The following PCDHGB7 variants were observed in gnomAD, a reference collection of about 807,000 sequenced individuals.
PCDHGB7 encodes the protein protocadherin gamma subfamily B, 7.
A neutral mutation model predicts 61.4 loss-of-function variants in PCDHGB7; 37 were observed. The observed-to-expected ratio is 0.60, with a 90% CI of 0.46 to 0.79. The LOEUF (loss-of-function observed/expected upper bound fraction) is 0.79, where lower values mean the gene tolerates loss of function less well. Ranked by LOEUF, PCDHGB7 falls within the 30% of genes least tolerant of loss-of-function variation. The probability of loss-of-function intolerance (pLI) is 0.00; values close to 1 mark genes in which losing one functional copy is unlikely to be tolerated. For synonymous variants in PCDHGB7, 464 were observed against 503.5 expected, an observed-to-expected ratio of 0.92 and a Z score of 1.05; for missense variants, 1,166 against 1,202.5, an observed-to-expected ratio of 0.97 and a Z score of 0.45.
Position 141,432,057 on chromosome 5 carries a change from C to G in PCDHGB7, c.2415+11783C>G. On this transcript the variant is annotated intron_variant, in intron 1 of 3. Coordinates refer to ENST00000398594, the MANE Select transcript of PCDHGB7 (RefSeq NM_018927.4). This position sits in a 1 kb window ranked among gnomAD's most constrained non-coding sequence, Gnocchi z 6.0. The stretch of plus-strand genomic sequence containing the variant: ...ACTGACCGGGGAACCCCGCCCCTAT[C>G]CACGGAAACTCATATCTCGCTGAAC... 1 of 1,614,220 alleles carries G rather than the reference C, an allele frequency of 6.2e-7. No homozygotes were observed. The highest frequency in any genetic ancestry group is 8.5e-7 in the Non-Finnish European group (1 of 1,180,042).
chr5:141,478,671 A>G (rs996413401), intron 1 of PCDHGB7: 19 of 1,551,538 alleles, frequency 1.2e-5, no homozygotes, highest in Non-Finnish European at 1.7e-5. Context: ...TCACACTTTC[A>G]ACTGGCCCTT....
At chr5:141,433,604 G>A (rs2097631609) in intron 1 of PCDHGB7, among the ~76,000 whole-genome samples, 1 of 152,138 alleles carries the variant, frequency 6.6e-6, no homozygotes, top group Non-Finnish European at 1.5e-5. Flanking sequence ...GGGAGGCCGA[G>A]GCGGGTGGAT....
chr5:141,481,096 T>C (rs1162625304), intron 1 of PCDHGB7, among the ~76,000 whole-genome samples: 2 of 152,150 alleles, frequency 1.3e-5, no homozygotes, highest in East Asian at 1.9e-4. Flanking sequence ...AAAGCAGTAC[T>C]CTGGAACCTA....
Position 141,491,994 on chromosome 5 carries a change from C to T in PCDHGB7, c.2416-2813C>T. On this transcript the variant is annotated intron_variant, in intron 1 of 3. Transcript: ENST00000398594. This position sits in a 1 kb window ranked among gnomAD's most constrained non-coding sequence, Gnocchi z 6.9. ...CCTCCTTCGAGCTTCCGGTGAATTT[C>T]GGGCGATTTCCGCGGGTGTCGGGGG... The T allele has an allele frequency of 4.3e-6, 3 of 693,016 alleles. No individual in the cohort carries two copies. The allele number at this position is 693,016 out of a possible 1,614,324, so 42.9% of individuals were successfully genotyped here.
At chr5:141,455,020 G>A (rs201196115) in intron 1 of PCDHGB7, among the ~76,000 whole-genome samples, 1 of 151,166 alleles carries the variant, frequency 6.6e-6, no homozygotes, top group African/African-American at 2.4e-5. Context: ...CACCGTGTTA[G>A]CCAGGATGGT....
Position 141,456,287 on chromosome 5 carries a change from C to A in PCDHGB7, c.2415+36013C>A, listed in dbSNP as rs951430060. On this transcript the variant is annotated intron_variant, in intron 1 of 3. Transcript: ENST00000398594. ...CTGGCTACTTCCTGCTGAAAAGGGGCGTCTAATGGAGAACAGCAGCTAGGG... is the reference window on the plus strand; with the variant it reads ...CTGGCTACTTCCTGCTGAAAAGGGGAGTCTAATGGAGAACAGCAGCTAGGG... Among the ~76,000 whole-genome samples, 11 of 152,166 alleles carry A rather than the reference C, an allele frequency of 7.2e-5. No individual in the cohort carries two copies. In the East Asian group the frequency reaches 1.9e-3, roughly 27 times the overall value.
chr5:141,444,281 C>T (rs1256106299), intron 1 of PCDHGB7, among the ~76,000 whole-genome samples: 1 of 146,976 alleles, frequency 6.8e-6, no homozygotes, highest in African/African-American at 2.5e-5. Context: ...AAGTGATTCT[C>T]CTGCCTCAGC....
At chr5:141,509,069 G>T (rs1463164307) in intron 3 of PCDHGB7, among the ~76,000 whole-genome samples, 1 of 152,174 alleles carries the variant, frequency 6.6e-6, no homozygotes, top group Non-Finnish European at 1.5e-5. Flanking sequence ...CTCAGCTCCG[G>T]GGATTTGCGA....
At chr5:141,505,767 AGGTCCTAGCTCT>A (rs2099848180) in intron 3 of PCDHGB7, among the ~76,000 whole-genome samples, 1 of 151,756 alleles carries the variant, frequency 6.6e-6, no homozygotes, top group Non-Finnish European at 1.5e-5. Context: ...AGTGTAGCTC[AGGTCCTAGCTCT>A]GCTACTATCC....
chr5:141,468,226 G>T (rs967204965), intron 1 of PCDHGB7, among the ~76,000 whole-genome samples: 2 of 151,038 alleles, frequency 1.3e-5, no homozygotes, highest in Admixed American at 1.3e-4. Flanking sequence ...TTGGGAGGAT[G>T]AGGTAGGAGA....
intron 1 of PCDHGB7, among the ~76,000 whole-genome samples, chr5:141,459,575 G>T (rs2098970751): frequency 1.3e-5 from 2 of 152,132 alleles, no homozygotes; most frequent in Admixed American, 6.5e-5. Context: ...AAACAGAATT[G>T]TTTTGGGGGT....
intron 1 of PCDHGB7, among the ~76,000 whole-genome samples, chr5:141,484,281 C>T (rs969039536): frequency 6.6e-6 from 1 of 152,202 alleles, no homozygotes; most frequent in Admixed American, 6.5e-5. Context: ...TGTTTTGAAA[C>T]ATCTCCCTCT....
chr5:141,476,843 G>A lies in PCDHGB7; in HGVS notation c.2416-17964G>A, dbSNP rs2099399765. On this transcript the variant is annotated intron_variant, in intron 1 of 3. Transcript: ENST00000398594. The surrounding 1 kb of genome is among the most constrained non-coding windows in gnomAD (Gnocchi z 7.6). ...GCTGGACGCGAATGACAATGCGCCT[G>A]TCTTCAACCAGTCCTTGTACCGGGC... 1 of 1,613,706 alleles carries A rather than the reference G, an allele frequency of 6.2e-7. No individual in the cohort carries two copies. Among genetic ancestry groups the A allele is most frequent in the Non-Finnish European group, 8.5e-7 (1 of 1,180,046 alleles).
At chr5:141,510,626 AGGTG>A (rs2099882005) in intron 3 of PCDHGB7, among the ~76,000 whole-genome samples, 1 of 152,144 alleles carries the variant, frequency 6.6e-6, no homozygotes, top group Admixed American at 6.5e-5. Context: ...AAACCAGAAG[AGGTG>A]GTTACCATTA....
rs367731612 is a variant in PCDHGB7, at chr5:141,419,406, C to T, written c.1547C>T (p.Ala516Val). The T allele has an allele frequency of 6.5e-5, 105 of 1,613,522 alleles. 1 individual carries two copies. The South Asian group carries it at 1.0e-3, about 16-fold the overall frequency. Reference sequence around the variant, plus strand: ...AGCGCGCAGAGCGGGGTGGTGTTCGCGCAGCGCGCCTTCGACCACGAGCAG... The same window carrying T: ...AGCGCGCAGAGCGGGGTGGTGTTCGTGCAGCGCGCCTTCGACCACGAGCAG... ...SVSAQSGVVF[A>V]QRAFDHEQLR... Residue 516 changes from alanine to valine, a missense_variant, in exon 1 of 4, where the codon GCG becomes GTG. By Grantham distance (64) the Ala-to-Val change is moderately conservative (BLOSUM62 0). Transcript: ENST00000398594.
intron 1 of PCDHGB7, chr5:141,421,399 C>T (rs777999539): frequency 1.2e-6 from 2 of 1,613,928 alleles, no homozygotes; most frequent in East Asian, 2.2e-5. Flanking sequence ...GCTGGAGCCC[C>T]GGGAGCTGGC....
intron 2 of PCDHGB7, among the ~76,000 whole-genome samples, chr5:141,500,416 A>G: frequency 6.6e-6 from 1 of 151,634 alleles, no homozygotes; most frequent in East Asian, 2.0e-4. Flanking sequence ...TCACCGTGTT[A>G]GCCAGGATGG....
rs1370450155 is a variant in PCDHGB7, at chr5:141,431,480, G to T, written c.2415+11206G>T. On this transcript the variant is annotated intron_variant, in intron 1 of 3. Coordinates refer to ENST00000398594, the MANE Select transcript of PCDHGB7 (RefSeq NM_018927.4). This position sits in a 1 kb window ranked among gnomAD's most constrained non-coding sequence, Gnocchi z 4.8. Reference sequence around the variant, plus strand: ...TCTGGATGCGAACGACAACGCACCAGCGTTTGCTCAGCCCGAGTACCGCGC... The same window carrying T: ...TCTGGATGCGAACGACAACGCACCATCGTTTGCTCAGCCCGAGTACCGCGC... 3 of 1,613,924 alleles carry T rather than the reference G, an allele frequency of 1.9e-6. No individual in the cohort carries two copies. Among genetic ancestry groups the T allele is most frequent in the Non-Finnish European group, 2.5e-6 (3 of 1,179,990 alleles).
chr5:141,502,242 CT>C (rs989546500), intron 2 of PCDHGB7, among the ~76,000 whole-genome samples: 27 of 151,950 alleles, frequency 1.8e-4, no homozygotes, highest in African/African-American at 6.3e-4. Context: ...TTCTTTTATC[CT>C]TTTTTTTAAT....
Sources: gnomAD v4.1 joint callset for allele counts (sites outside exome capture counted in the v4.1 genomes callset) on GRCh38, gnomAD v4.1.1 for gene constraint, Gnocchi (gnomAD v3.1) non-coding constraint, MANE v1.5 for transcripts, NCBI Gene and HGNC (gene_info 2026-07-23, HGNC 2026-07-21) for gene names.